PPP1R9A: variants seen among roughly 807,000 people sequenced by gnomAD.
The protein encoded by PPP1R9A is protein phosphatase 1 regulatory subunit 9A.
A neutral mutation model predicts 141.9 loss-of-function variants in PPP1R9A; 59 were observed. The observed-to-expected ratio is 0.42, with a 90% CI of 0.34 to 0.52. The LOEUF (loss-of-function observed/expected upper bound fraction) is 0.52, where lower values mean the gene tolerates loss of function less well. Ranked by LOEUF, PPP1R9A falls within the 20% of genes least tolerant of loss-of-function variation. The pLI, the probability that PPP1R9A is intolerant of heterozygous loss-of-function variation, is 0.10. For synonymous variants in PPP1R9A, 500 were observed against 569.7 expected (o/e 0.88, Z 1.74); for missense variants, 1,444 against 1,611.9 (o/e 0.90, Z 1.78).
At chr7:95,024,791 T>C (rs1041517307) in intron 2 of PPP1R9A, among the ~76,000 whole-genome samples, 1 of 152,190 alleles carries the variant, frequency 6.6e-6, no homozygotes, top group African/African-American at 2.4e-5. Flanking sequence ...AGGTTAATAT[T>C]GTTATGTGTG....
intron 5 of PPP1R9A, among the ~76,000 whole-genome samples, chr7:95,162,303 T>C (rs1830572831): frequency 6.6e-6 from 1 of 152,230 alleles, no homozygotes; most frequent in Admixed American, 6.5e-5. Context: ...AAAACAGTTA[T>C]ACAATACTTG....
chr7:95,258,325 G>T (rs959554856), intron 12 of PPP1R9A, among the ~76,000 whole-genome samples: 1 of 152,162 alleles, frequency 6.6e-6, no homozygotes, highest in Non-Finnish European at 1.5e-5. Flanking sequence ...CTTTTGAGAA[G>T]TGTCTGTTCA....
chr7:95,028,859 G>A (rs183759565), intron 2 of PPP1R9A, among the ~76,000 whole-genome samples: 3 of 152,302 alleles, frequency 2.0e-5, no homozygotes, highest in East Asian at 1.9e-4. Flanking sequence ...GCCTAAAGCA[G>A]GAAGATAGCT....
rs191266281 is a variant in PPP1R9A, at chr7:94,911,397, T to G, written c.1284T>G (p.Asp428Glu). The G allele has an allele frequency of 1.9e-4, 303 of 1,613,676 alleles. 4 individuals are homozygous for G. In the East Asian group the frequency reaches 6.3e-3, roughly 34 times the overall value. The change falls in exon 2 of 20, where the codon GAT (aspartate) becomes GAG (glutamate). Residue 428 changes from aspartate to glutamate, a missense_variant. Coordinates refer to ENST00000433360, the MANE Select transcript of PPP1R9A (RefSeq NM_001166160.2). ...GTEQDEEEDSDENSYYQPDME... is the reference protein window; with the variant it reads ...GTEQDEEEDSEENSYYQPDME... ...AGCAGGATGAGGAGGAAGATAGTGA[T>G]GAGAACAGTTACTATCAGCCTGATA...
chr7:95,260,450 G>A lies in PPP1R9A; in HGVS notation c.2666-8100G>A, dbSNP rs371021425. ...TCCCAGCACTTTGGGAGGCCAAGGCGGGTGGATCACCTGAGGTCAGGAGTT... is the reference window on the plus strand; with the variant it reads ...TCCCAGCACTTTGGGAGGCCAAGGCAGGTGGATCACCTGAGGTCAGGAGTT... On this transcript the variant is annotated intron_variant, in intron 12 of 19. Coordinates refer to ENST00000433360, the MANE Select transcript of PPP1R9A (RefSeq NM_001166160.2). Among the ~76,000 whole-genome samples, 16 of 152,226 alleles carry A rather than the reference G, an allele frequency of 1.1e-4. No homozygotes were observed. The East Asian group carries it at 2.5e-3, about 24-fold the overall frequency.
At chr7:95,163,381 A>T (rs998808838) in intron 5 of PPP1R9A, among the ~76,000 whole-genome samples, 1 of 152,212 alleles carries the variant, frequency 6.6e-6, no homozygotes, top group Non-Finnish European at 1.5e-5. Flanking sequence ...ATGGAAGGAC[A>T]TAATTACAGT....
chr7:94,989,396 C>A (rs542255474), intron 2 of PPP1R9A, among the ~76,000 whole-genome samples: 1 of 152,198 alleles, frequency 6.6e-6, no homozygotes, highest in East Asian at 1.9e-4. Context: ...AGCAAACTGA[C>A]TTTCTATTGG....
intron 4 of PPP1R9A, among the ~76,000 whole-genome samples, chr7:95,131,286 C>G (rs896909693): frequency 1.3e-5 from 2 of 152,186 alleles, no homozygotes; most frequent in East Asian, 3.8e-4. Context: ...AGAAGCTGTT[C>G]TCTTGTCTGC....
chr7:95,244,994 T>C (rs1010066970), intron 8 of PPP1R9A, among the ~76,000 whole-genome samples: 7 of 152,172 alleles, frequency 4.6e-5, no homozygotes, highest in Admixed American at 1.3e-4. Flanking sequence ...CAGAGATGAA[T>C]TCAAGCAGTC....
At chr7:95,215,864 G>T (rs1793276620) in intron 7 of PPP1R9A, among the ~76,000 whole-genome samples, 1 of 152,070 alleles carries the variant, frequency 6.6e-6, no homozygotes, top group Non-Finnish European at 1.5e-5. Context: ...TGTAGATTCT[G>T]GATATTAGCC....
At chr7:95,252,289 C>T (rs1179010645) in intron 12 of PPP1R9A, among the ~76,000 whole-genome samples, 159 bp downstream of exon 12, 1 of 151,882 alleles carries the variant, frequency 6.6e-6, no homozygotes, top group Non-Finnish European at 1.5e-5. Flanking sequence ...TTTTAGCTCT[C>T]GTCTTATCAA....
At chr7:95,233,876 A>G (rs1051962903) in intron 8 of PPP1R9A, among the ~76,000 whole-genome samples, 1 of 152,218 alleles carries the variant, frequency 6.6e-6, no homozygotes, top group Non-Finnish European at 1.5e-5. Flanking sequence ...GATTTAACAT[A>G]TGCAAGTCAA....
At chr7:95,012,655 A>G (rs555831640) in intron 2 of PPP1R9A, among the ~76,000 whole-genome samples, 48 of 152,348 alleles carry the variant, frequency 3.2e-4, no homozygotes, top group African/African-American at 8.7e-4. Flanking sequence ...GAGGGAATGC[A>G]TGAGAAGTCT....
chr7:95,181,155 A>C (rs1266715534), intron 5 of PPP1R9A, among the ~76,000 whole-genome samples: 1 of 148,424 alleles, frequency 6.7e-6, no homozygotes, highest in African/African-American at 2.5e-5. Flanking sequence ...TCGATATAGA[A>C]ACTGTGATAT....
intron 2 of PPP1R9A, among the ~76,000 whole-genome samples, chr7:95,002,392 G>A (rs1403347506): frequency 6.6e-6 from 1 of 152,158 alleles, no homozygotes; most frequent in African/African-American, 2.4e-5. Flanking sequence ...TTATAAGAAG[G>A]AAGAGTTGAG....
chr7:95,269,708 A>G (rs1801866611), intron 14 of PPP1R9A, among the ~76,000 whole-genome samples: 1 of 152,044 alleles, frequency 6.6e-6, no homozygotes, highest in African/African-American at 2.4e-5. Context: ...CTGGTTCAGT[A>G]TTTTTATCTC....
chr7:95,159,481 G>A (rs543010276), intron 4 of PPP1R9A, among the ~76,000 whole-genome samples: 99 of 152,112 alleles, frequency 6.5e-4, no homozygotes, highest in Non-Finnish European at 1.2e-3. Context: ...TTGTTACATA[G>A]GTATACATGT....
intron 2 of PPP1R9A, among the ~76,000 whole-genome samples, chr7:94,973,890 TA>T (rs1452645209): frequency 6.6e-6 from 1 of 152,056 alleles, no homozygotes. Flanking sequence ...GCTAATTTTT[TA>T]TTTTTCGTAG....
At chr7:95,085,518 G>A (rs1398851177) in intron 2 of PPP1R9A, among the ~76,000 whole-genome samples, 3 of 149,988 alleles carry the variant, frequency 2.0e-5, no homozygotes, top group Non-Finnish European at 4.4e-5. Context: ...GGGTTCAAGC[G>A]ATTCTCCTGC....
Sources: gnomAD v4.1 joint callset for allele counts (sites outside exome capture counted in the v4.1 genomes callset) on GRCh38, gnomAD v4.1.1 for gene constraint, MANE v1.5 for transcripts, NCBI Gene and HGNC (gene_info 2026-07-23, HGNC 2026-07-21) for gene names.